ANO4: variants seen among roughly 807,000 people sequenced by gnomAD.
The protein encoded by ANO4 is anoctamin 4.
A neutral mutation model predicts 141.9 loss-of-function variants in ANO4; 69 were observed. The ratio of observed to expected loss-of-function variants is 0.49; its 90% CI spans 0.40 to 0.59. The LOEUF is 0.59. Among genes scored for constraint, ANO4 ranks in the 20% least tolerant of loss-of-function variants. The probability of loss-of-function intolerance (pLI) is 0.00; values close to 1 mark genes in which losing one functional copy is unlikely to be tolerated. For synonymous variants in ANO4, 350 were observed against 394.3 expected (o/e 0.89, Z 1.33); for missense variants, 894 against 1,162.2 (o/e 0.77, Z 3.36).
Position 100,939,445 on chromosome 12 carries a change from G to C in ANO4, c.291G>C (p.Gly97=). The change falls in exon 4 of 28, where the codon GGG becomes GGC. Residue 97 remains glycine, a synonymous_variant. Coordinates refer to ENST00000392977, the MANE Select transcript of ANO4 (RefSeq NM_001286615.2). ...TSDDASRLEA[G]GETVPERNKS... ...ATGATGCCAGCAGATTGGAAGCCGGGGGAGAGGTAAGAGTATATGATTTCT... is the reference window on the plus strand; with the variant it reads ...ATGATGCCAGCAGATTGGAAGCCGGCGGAGAGGTAAGAGTATATGATTTCT... The C allele has an allele frequency of 6.2e-7, 1 of 1,613,332 alleles. No homozygotes were observed. The highest frequency in any genetic ancestry group is 8.5e-7 in the Non-Finnish European group (1 of 1,179,516).
At chr12:100,961,511 C>A (rs2043422553) in intron 5 of ANO4, among the ~76,000 whole-genome samples, 1 of 152,098 alleles carries the variant, frequency 6.6e-6, no homozygotes, top group Admixed American at 6.5e-5. Flanking sequence ...CTGCAGTAGA[C>A]ATGTAGCATG....
At chr12:100,992,063 A>G (rs568576607) in intron 8 of ANO4, among the ~76,000 whole-genome samples, 57 of 152,302 alleles carry the variant, frequency 3.7e-4, no homozygotes, top group African/African-American at 1.3e-3. Flanking sequence ...ATGATTTTAC[A>G]TCCTAAATAT....
chr12:101,020,421 G>T (rs1227921569), intron 9 of ANO4, among the ~76,000 whole-genome samples: 1 of 152,230 alleles, frequency 6.6e-6, no homozygotes, highest in Non-Finnish European at 1.5e-5. Flanking sequence ...GGGGAGATAT[G>T]CATAGTTCTG....
chr12:100,750,443 CT>C (rs890582120), intron 3 of ANO4, among the ~76,000 whole-genome samples: 1 of 152,042 alleles, frequency 6.6e-6, no homozygotes, highest in African/African-American at 2.4e-5. Flanking sequence ...CACACCTGGC[CT>C]AGATTCTGCA....
intron 3 of ANO4, among the ~76,000 whole-genome samples, chr12:100,932,237 G>A (rs1379939210): frequency 6.6e-6 from 1 of 151,960 alleles, no homozygotes; most frequent in Non-Finnish European, 1.5e-5. Flanking sequence ...GTAATATCAA[G>A]GTGGGGTTAT....
intron 1 of ANO4, among the ~76,000 whole-genome samples, chr12:100,795,926 G>A (rs1462939527): frequency 6.6e-6 from 1 of 152,098 alleles, no homozygotes; most frequent in African/African-American, 2.4e-5. Context: ...TTGCTGCAAA[G>A]AGCATCACAA....
rs2043897379 is a variant in ANO4 at position 100,970,746 on chromosome 12, CTCCCTCTTGT to C, written c.457-558_457-549del. Among the ~76,000 whole-genome samples the C allele has an allele frequency of 2.2e-5, 3 of 135,116 alleles. No homozygotes were observed. The East Asian group carries it at 6.7e-4, about 30-fold the overall frequency. 88.6% of individuals were successfully genotyped at this position (135,116 alleles called of 152,430 possible). On this transcript the variant is annotated intron_variant, in intron 5 of 27. Transcript: ENST00000392977. ...CCTTCCTTCTTTCTTTCGACAGAGA[CTCCCTCTTGT>C]TGCCCAGATTAGAGTGCAGTGGCAC...
intron 15 of ANO4, among the ~76,000 whole-genome samples, chr12:101,080,900 T>TATTATATATATATATATATATATACAC (rs1194122665): frequency 1.5e-5 from 2 of 131,040 alleles, no homozygotes; most frequent in Admixed American, 1.6e-4. Context: ...TATATATATA[T>TATTATATATATATATATATATATACAC]ACATACACAT....
chr12:100,723,236 T>C (rs2030947480), intron 1 of ANO4, among the ~76,000 whole-genome samples: 1 of 152,226 alleles, frequency 6.6e-6, no homozygotes, highest in Non-Finnish European at 1.5e-5. Context: ...AACAGTGTCA[T>C]AGTCTGCTCT....
chr12:101,093,688 A>C (rs1370728506), intron 17 of ANO4, among the ~76,000 whole-genome samples: 1 of 152,064 alleles, frequency 6.6e-6, no homozygotes, highest in African/African-American at 2.4e-5. Context: ...AGAACCATCT[A>C]TTGACCAGAT....
At chr12:100,759,850 C>A (rs1323328162) in intron 3 of ANO4, among the ~76,000 whole-genome samples, 1 of 152,176 alleles carries the variant, frequency 6.6e-6, no homozygotes, top group African/African-American at 2.4e-5. Flanking sequence ...TTCTTCTTCC[C>A]CCCATATAAA....
chr12:100,872,160 A>T (rs1440142578), intron 1 of ANO4, among the ~76,000 whole-genome samples: 4 of 152,220 alleles, frequency 2.6e-5, no homozygotes, highest in African/African-American at 9.6e-5. Flanking sequence ...ACATTTATTG[A>T]ATACCTTACT....
intron 9 of ANO4, among the ~76,000 whole-genome samples, chr12:101,025,237 A>G (rs1240092075): frequency 6.6e-6 from 1 of 152,258 alleles, no homozygotes; most frequent in Non-Finnish European, 1.5e-5. Context: ...GGGCAACCCA[A>G]AACAAGGATC....
At chr12:101,112,135 G>A (rs1314410481) in intron 24 of ANO4, among the ~76,000 whole-genome samples, 1 of 152,182 alleles carries the variant, frequency 6.6e-6, no homozygotes, top group South Asian at 2.1e-4. Flanking sequence ...GTGTCATTAT[G>A]TGTAAACTCT....
At chr12:100,739,629 C>T (rs2031775639) in intron 2 of ANO4, among the ~76,000 whole-genome samples, 2 of 152,012 alleles carry the variant, frequency 1.3e-5, no homozygotes, top group African/African-American at 4.8e-5. Flanking sequence ...ACTCTGAGCT[C>T]CTTGAAGGCA....
intron 7 of ANO4, among the ~76,000 whole-genome samples, chr12:100,986,186 C>T (rs760713268): frequency 2.0e-5 from 3 of 152,072 alleles, no homozygotes; most frequent in Admixed American, 6.6e-5. Flanking sequence ...AGGATTTGCA[C>T]GGTTAGCTCA....
intron 11 of ANO4, 113 bp from the exon 12 acceptor site, chr12:101,042,221 G>A: frequency 7.5e-7 from 1 of 1,328,316 alleles, no homozygotes; most frequent in Non-Finnish European, 1.0e-6. Flanking sequence ...GGCTTACCTT[G>A]CTTGCAGTTT....
chr12:100,732,827 C>T (rs1206752143), intron 1 of ANO4, among the ~76,000 whole-genome samples: 1 of 152,204 alleles, frequency 6.6e-6, no homozygotes, highest in Admixed American at 6.5e-5. Flanking sequence ...AGGGTGGCAC[C>T]TACCTCGTGC....
In ANO4 at chr12:101,128,261, C is replaced by G. The variant is rs2051408428; in HGVS notation, c.*405C>G. On this transcript the variant is annotated 3_prime_UTR_variant, in exon 28 of 28. Coordinates refer to ENST00000392977, the MANE Select transcript of ANO4 (RefSeq NM_001286615.2). ...TATTCAGACACATGGACACACATTCCTAGAATGTCATCATATGGTCCTAAT... is the reference window on the plus strand; with the variant it reads ...TATTCAGACACATGGACACACATTCGTAGAATGTCATCATATGGTCCTAAT... 1 of 152,602 alleles carries G rather than the reference C, an allele frequency of 6.6e-6. No individual in the cohort carries two copies. 9.5% of individuals were successfully genotyped at this position (152,602 alleles called of 1,614,324 possible).
Sources: allele counts gnomAD v4.1 joint callset (sites outside exome capture counted in the v4.1 genomes callset), GRCh38; gene constraint gnomAD v4.1.1; transcripts MANE v1.5; gene names NCBI Gene and HGNC (gene_info 2026-07-23, HGNC 2026-07-21).